Variants in ARHGAP24 observed in about 807,000 individuals in gnomAD.
ARHGAP24 encodes the protein rho GTPase-activating protein 24.
Under a neutral mutation model 76.4 loss-of-function variants are expected in ARHGAP24, and 50 were observed. The observed-to-expected ratio is 0.65, with a 90% CI of 0.52 to 0.83. The LOEUF is 0.83. Ranked by LOEUF, ARHGAP24 falls within the 40% of genes least tolerant of loss-of-function variation. The pLI is 0.00. For missense variants in ARHGAP24, 930 were observed against 914.2 expected, an observed-to-expected ratio of 1.02 and a Z score of -0.22; for synonymous variants, 345 against 323.3, an observed-to-expected ratio of 1.07 and a Z score of -0.72.
intron 3 of ARHGAP24, among the ~76,000 whole-genome samples, chr4:85,870,032 A>G (rs892983953): frequency 2.0e-5 from 3 of 152,198 alleles, no homozygotes; most frequent in African/African-American, 4.8e-5. Flanking sequence ...TGACAATAAT[A>G]GTAGCTACCT....
intron 8 of ARHGAP24, among the ~76,000 whole-genome samples, chr4:85,979,057 C>T (rs1051089054): frequency 2.6e-5 from 4 of 152,096 alleles, no homozygotes; most frequent in Non-Finnish European, 5.9e-5. Context: ...ATTTGTTGAT[C>T]CACGGATTTG....
rs140072126 is a variant in ARHGAP24 at position 85,485,662 on chromosome 4, A to T, written c.-21+10103A>T. ...TCCTTACCTGTAAAATAAGAGGGCTAGAGTAAATTCTTTTTAAGGTTGTTC... is the reference window on the plus strand; with the variant it reads ...TCCTTACCTGTAAAATAAGAGGGCTTGAGTAAATTCTTTTTAAGGTTGTTC... On this transcript the variant is annotated intron_variant, in intron 1 of 9. Transcript: ENST00000395184. Among the ~76,000 whole-genome samples the T allele has an allele frequency of 2.0e-3, 301 of 151,420 alleles. 3 individuals are homozygous for T. Among genetic ancestry groups the T allele is most frequent in the African/African-American group, 7.0e-3 (290 of 41,330 alleles).
intron 3 of ARHGAP24, among the ~76,000 whole-genome samples, chr4:85,839,033 C>A (rs1730445763): frequency 6.6e-6 from 1 of 152,184 alleles, no homozygotes; most frequent in African/African-American, 2.4e-5. Context: ...AACTAATTAC[C>A]TTAGATGGCA....
rs576733177 is a variant in ARHGAP24, at chr4:85,999,424, A to G, written c.2004-1055A>G. Among the ~76,000 whole-genome samples the G allele has an allele frequency of 2.3e-4, 35 of 152,350 alleles. No individual in the cohort carries two copies. In the South Asian group the frequency reaches 7.2e-3, roughly 32 times the overall value. On this transcript the variant is annotated intron_variant, in intron 9 of 9. Transcript: ENST00000395184. The stretch of plus-strand genomic sequence containing the variant: ...ATTTTTAAGTGTTCTTATTATCTGG[A>G]TGAAATATCAACATGTGGGGATCAA...
At chr4:85,978,299 G>A (rs1436717499) in intron 8 of ARHGAP24, among the ~76,000 whole-genome samples, 1 of 152,098 alleles carries the variant, frequency 6.6e-6, no homozygotes, top group African/African-American at 2.4e-5. Flanking sequence ...AAAAGAAAAA[G>A]GAAAGGAGAA....
intron 4 of ARHGAP24, among the ~76,000 whole-genome samples, chr4:85,926,345 C>T (rs1008049292): frequency 1.3e-5 from 2 of 152,146 alleles, no homozygotes; most frequent in Non-Finnish European, 2.9e-5. Flanking sequence ...TCTTCTCCTG[C>T]CCTCTTTGTT....
intron 2 of ARHGAP24, among the ~76,000 whole-genome samples, chr4:85,711,878 C>T (rs1303657299): frequency 6.6e-6 from 1 of 152,246 alleles, no homozygotes; most frequent in South Asian, 2.1e-4. Flanking sequence ...CATCAATTTT[C>T]TGGTCCACAG....
At chr4:85,876,946 A>AT (rs1732969859) in intron 3 of ARHGAP24, among the ~76,000 whole-genome samples, 1 of 96 alleles carries the variant, frequency 0.01, no homozygotes, top group Non-Finnish European at 0.031. Flanking sequence ...TTTTATTTAT[A>AT]AAAAAAACAG....
At chr4:85,509,524 A>G (rs1264519196) in intron 1 of ARHGAP24, among the ~76,000 whole-genome samples, 1 of 152,066 alleles carries the variant, frequency 6.6e-6, no homozygotes, top group Non-Finnish European at 1.5e-5. Flanking sequence ...TATTAAATAT[A>G]TAAATATTTT....
At position 86,000,733 on chromosome 4, in the gene ARHGAP24, G is replaced by A. The variant is rs777113438; in HGVS notation, c.*11G>A. The A allele has an allele frequency of 4.9e-5, 79 of 1,613,328 alleles. No individual in the cohort carries two copies. The highest frequency in any genetic ancestry group is 6.0e-5 in the Non-Finnish European group (71 of 1,179,646). On this transcript the variant is annotated 3_prime_UTR_variant, in exon 10 of 10. Coordinates refer to ENST00000395184, the MANE Select transcript of ARHGAP24 (RefSeq NM_001025616.3). ...ATATGGATTCAGTGAGCCTGCTTTC[G>A]CCTGCTGTCTCTGATGGCTCTGGCA...
intron 2 of ARHGAP24, among the ~76,000 whole-genome samples, chr4:85,664,896 G>T (rs1057217921): frequency 3.9e-5 from 6 of 152,064 alleles, no homozygotes; most frequent in Non-Finnish European, 7.4e-5. Context: ...TATAATTTCT[G>T]ATCTTTTACA....
intron 1 of ARHGAP24, among the ~76,000 whole-genome samples, chr4:85,496,473 T>G (rs1723588744): frequency 6.6e-6 from 1 of 152,270 alleles, no homozygotes; most frequent in African/African-American, 2.4e-5. Flanking sequence ...CAAACAACTC[T>G]TCTCTGAAGA....
intron 3 of ARHGAP24, among the ~76,000 whole-genome samples, chr4:85,870,046 A>G (rs1412806014): frequency 2.6e-5 from 4 of 152,166 alleles, no homozygotes; most frequent in Non-Finnish European, 4.4e-5. Context: ...GCTACCTAAG[A>G]TATTGTGTGG....
At chr4:85,992,295 G>A (rs1248391078) in intron 8 of ARHGAP24, 4 of 389,664 alleles carry the variant, frequency 1.0e-5, no homozygotes, top group African/African-American at 6.2e-5. Context: ...TTTACAAGGG[G>A]CTATGGCCAT....
At chr4:85,846,630 T>C (rs1004524248) in intron 3 of ARHGAP24, among the ~76,000 whole-genome samples, 3 of 152,208 alleles carry the variant, frequency 2.0e-5, no homozygotes, top group African/African-American at 7.2e-5. Flanking sequence ...GCATAGTGGT[T>C]ATTAACCAAC....
chr4:85,643,389 G>A lies in ARHGAP24; in HGVS notation c.180+72668G>A, dbSNP rs543347162. ...TTCTCCTGCCTCAGCCTCCCCAGTA[G>A]CTGGGACTACAGGCGCCCGCCACCG... On this transcript the variant is annotated intron_variant, in intron 2 of 9. Coordinates refer to ENST00000395184, the MANE Select transcript of ARHGAP24 (RefSeq NM_001025616.3). Among the ~76,000 whole-genome samples the A allele has an allele frequency of 6.0e-4, 73 of 121,194 alleles. 7 individuals are homozygous for A. Among genetic ancestry groups the A allele is most frequent in the African/African-American group, 1.8e-3 (65 of 35,972 alleles). 79.5% of individuals were successfully genotyped at this position (121,194 alleles called of 152,430 possible). A position where few individuals can be genotyped will look rare whatever the true frequency, so the allele number is the denominator to read the frequency against.
chr4:85,605,906 T>C (rs987581576), intron 2 of ARHGAP24, among the ~76,000 whole-genome samples: 2 of 152,232 alleles, frequency 1.3e-5, no homozygotes, highest in African/African-American at 2.4e-5. Context: ...TGTTCAGTAA[T>C]CAGCGTTTAT....
chr4:85,998,531 A>T (rs1475044176), intron 9 of ARHGAP24, among the ~76,000 whole-genome samples: 1 of 151,828 alleles, frequency 6.6e-6, no homozygotes, highest in Admixed American at 6.6e-5. Flanking sequence ...TGTCTATTTC[A>T]TCTTCCCACC....
intron 2 of ARHGAP24, among the ~76,000 whole-genome samples, chr4:85,588,274 G>A (rs570205250): frequency 5.3e-5 from 8 of 152,172 alleles, no homozygotes; most frequent in Admixed American, 1.3e-4. Flanking sequence ...AATTGTTGAC[G>A]TTTTGTGCTT....
Sources: allele counts gnomAD v4.1 joint callset (sites outside exome capture counted in the v4.1 genomes callset), GRCh38; gene constraint gnomAD v4.1.1; transcripts MANE v1.5; gene names NCBI Gene and HGNC (gene_info 2026-07-23, HGNC 2026-07-21).